The following TCERG1L variants were observed in gnomAD, a reference collection of about 807,000 sequenced individuals.
TCERG1L encodes transcription elongation regulator 1-like protein.
In TCERG1L, 37 loss-of-function variants were observed where a neutral mutation model predicts 56.3. That is an observed-to-expected ratio of 0.66 (90% CI 0.51 to 0.87). The LOEUF (loss-of-function observed/expected upper bound fraction) is 0.87, where lower values mean the gene tolerates loss of function less well. Ranked by LOEUF, TCERG1L falls within the 40% of genes least tolerant of loss-of-function variation. The pLI is 0.00. For missense variants in TCERG1L, 799 were observed against 774.2 expected (o/e 1.03, Z -0.38); for synonymous variants, 324 against 326.3 (o/e 0.99, Z 0.08).
chr10:131,242,267 T>C (rs755934815), intron 4 of TCERG1L, among the ~76,000 whole-genome samples: 1 of 152,076 alleles, frequency 6.6e-6, no homozygotes, highest in African/African-American at 2.4e-5. Context: ...ATCTAGAATA[T>C]GGATGCTGTG....
intron 4 of TCERG1L, among the ~76,000 whole-genome samples, chr10:131,176,888 GCA>G (rs1219762944): frequency 3.4e-5 from 5 of 145,234 alleles, no homozygotes; most frequent in Admixed American, 6.9e-5. Flanking sequence ...CAAAACACAT[GCA>G]CACACAGACA....
intron 4 of TCERG1L, among the ~76,000 whole-genome samples, chr10:131,199,963 C>T (rs1845413701): frequency 6.6e-6 from 1 of 152,226 alleles, no homozygotes; most frequent in Admixed American, 6.5e-5. Context: ...TGTGTCTCAG[C>T]TTCTCCCTTT....
chr10:131,281,529 A>C (rs1345586402), intron 3 of TCERG1L, among the ~76,000 whole-genome samples: 16 of 152,196 alleles, frequency 1.1e-4, no homozygotes, highest in Non-Finnish European at 2.9e-5. Context: ...AGGAAAAGGA[A>C]ACTTTGAGTG....
At chr10:131,223,389 G>C (rs1484856576) in intron 4 of TCERG1L, among the ~76,000 whole-genome samples, 1 of 152,218 alleles carries the variant, frequency 6.6e-6, no homozygotes, top group Non-Finnish European at 1.5e-5. Context: ...GGCTCCTTTT[G>C]GTTGCCAAAG....
chr10:131,147,056 G>A (rs1192166956), intron 6 of TCERG1L, among the ~76,000 whole-genome samples: 3 of 151,826 alleles, frequency 2.0e-5, no homozygotes, highest in African/African-American at 7.3e-5. Context: ...AATTCGGAGA[G>A]CGGCTCCCTA....
At chr10:131,292,075 C>A (rs1226852926) in intron 3 of TCERG1L, among the ~76,000 whole-genome samples, 1 of 152,110 alleles carries the variant, frequency 6.6e-6, no homozygotes, top group East Asian at 1.9e-4. Context: ...AGTATATAAC[C>A]AAGTAGGATT....
chr10:131,104,270 T>G lies in TCERG1L; in HGVS notation c.1480A>C (p.Lys494Gln), dbSNP rs1249318948. 1 of 1,548,138 alleles carries G rather than the reference T, an allele frequency of 6.5e-7. No homozygotes were observed. The highest frequency in any genetic ancestry group is 2.4e-5 in the East Asian group (1 of 40,882). ...GTGCCTTCCCACCCAGTTACCTGCT[T>G]TCGTTCCTCAGAGTTGAGCAGGAGA... ...RYLLLNSEER[K>Q]QIFEQFVKTR... is the part of the protein sequence containing the mutation. The change falls in exon 10 of 12, where the codon AAG (lysine) becomes CAG (glutamine). Residue 494 changes from lysine to glutamine, a missense_variant. Coordinates refer to ENST00000368642, the MANE Select transcript of TCERG1L (RefSeq NM_174937.4).
At chr10:131,112,629 A>G (rs916410460) in intron 9 of TCERG1L, among the ~76,000 whole-genome samples, 2 of 142,118 alleles carry the variant, frequency 1.4e-5, no homozygotes, top group Admixed American at 6.9e-5. Context: ...GCGGCAGCCC[A>G]GGGTGGAATG....
chr10:131,284,804 A>C (rs1244145511), intron 3 of TCERG1L, among the ~76,000 whole-genome samples: 2 of 152,096 alleles, frequency 1.3e-5, no homozygotes, highest in East Asian at 3.9e-4. Flanking sequence ...TAAATTCTAG[A>C]AGAAAAATAT....
In TCERG1L at chr10:131,116,816, T is replaced by C. The variant is rs569509041; in HGVS notation, c.1378A>G (p.Met460Val). The change falls in exon 9 of 12, where the codon ATG becomes GTG. Residue 460 changes from methionine (M) to valine (V), a missense_variant. Physicochemically the swap from Met to Val is conservative, Grantham distance 21. Transcript: ENST00000368642. ...TGCCTTACCCCTCTCTCCAGCAGCA[T>C]GTCTCGGAAGTGGGTCACACGCTCC... ...LEERVTHFRD[M>V]LLERGVSAFS... The C allele has an allele frequency of 1.3e-6, 2 of 1,567,490 alleles. No homozygotes were observed. The highest frequency in any genetic ancestry group is 1.4e-5 in the African/African-American group (1 of 73,944).
At chr10:131,137,585 C>T (rs988899505) in intron 7 of TCERG1L, among the ~76,000 whole-genome samples, 1 of 152,210 alleles carries the variant, frequency 6.6e-6, no homozygotes, top group Non-Finnish European at 1.5e-5. Flanking sequence ...TCCACCCACA[C>T]CAGAACGTAC....
chr10:131,098,308 G>C lies in TCERG1L; in HGVS notation c.1602C>G (p.Pro534=), dbSNP rs764441664. ...CCGGTATATTTCTCTCTCCATACCT[G>C]GGAGACACTTTAGATTCCTCTAGAA... is the stretch of plus-strand genomic sequence containing the variant. ...KKLLEESKVS[P]RTTFKEFAEK... is the part of the protein sequence containing the mutation. The change falls in exon 11 of 12, where the codon CCC becomes CCG. Residue 534 remains proline, a splice_region_variant and synonymous_variant. Coordinates refer to ENST00000368642, the MANE Select transcript of TCERG1L (RefSeq NM_174937.4). 1 of 1,551,102 alleles carries C rather than the reference G, an allele frequency of 6.4e-7. No homozygotes were observed. Among genetic ancestry groups the C allele is most frequent in the African/African-American group, 1.4e-5 (1 of 73,070 alleles).
chr10:131,213,976 T>G (rs1352152108), intron 4 of TCERG1L, among the ~76,000 whole-genome samples: 1 of 152,128 alleles, frequency 6.6e-6, no homozygotes, highest in African/African-American at 2.4e-5. Context: ...AGTCAGTCAG[T>G]TTAACTCAGC....
chr10:131,154,166 G>T (rs1007875751), intron 6 of TCERG1L, among the ~76,000 whole-genome samples: 3 of 152,090 alleles, frequency 2.0e-5, no homozygotes, highest in African/African-American at 4.8e-5. Flanking sequence ...TATCCCAGAG[G>T]ATATAGTTAG....
chr10:131,186,339 AAT>A (rs1845245558), intron 4 of TCERG1L, among the ~76,000 whole-genome samples: 2 of 152,190 alleles, frequency 1.3e-5, no homozygotes, highest in Non-Finnish European at 2.9e-5. Context: ...TGCTCACTTG[AAT>A]ATAGTTAACC....
At chr10:131,247,179 C>T (rs1013722373) in intron 4 of TCERG1L, among the ~76,000 whole-genome samples, 4 of 152,218 alleles carry the variant, frequency 2.6e-5, no homozygotes, top group South Asian at 2.1e-4. Context: ...CACACAGCGA[C>T]GGACACATTT....
At chr10:131,129,693 C>T (rs932918714) in intron 8 of TCERG1L, among the ~76,000 whole-genome samples, 1 of 152,162 alleles carries the variant, frequency 6.6e-6, no homozygotes, top group South Asian at 2.1e-4. Context: ...GGAAATCACT[C>T]GTCTCCTGGG....
intron 4 of TCERG1L, among the ~76,000 whole-genome samples, chr10:131,223,067 T>C (rs1412354022): frequency 6.6e-6 from 1 of 151,930 alleles, no homozygotes; most frequent in South Asian, 2.1e-4. Flanking sequence ...TTAGTGCCCC[T>C]GATCAACCGG....
chr10:131,163,200 G>T lies in TCERG1L; in HGVS notation c.956C>A (p.Pro319Gln). ...DGDKEDKEPP[P>Q]MLGGGEDSTA... ...GCTGTCCTCTCCTCCCCCCAGCATC[G>T]GTGGAGGCTCCTTTCAACAGAAAGA... The change falls in exon 6 of 12, where the codon CCG (proline) becomes CAG (glutamine). Residue 319 changes from proline (P) to glutamine (Q), a missense_variant. Transcript: ENST00000368642. 6.5e-7 allele frequency: 1 copy of T among 1,549,772 alleles called. No homozygotes were observed. The highest frequency in any genetic ancestry group is 8.7e-7 in the Non-Finnish European group (1 of 1,148,014).
Sources: gnomAD v4.1 joint callset for allele counts (sites outside exome capture counted in the v4.1 genomes callset) on GRCh38, gnomAD v4.1.1 for gene constraint, MANE v1.5 for transcripts, NCBI Gene and HGNC (gene_info 2026-07-23, HGNC 2026-07-21) for gene names.